The following WWOX variants were observed in gnomAD, a reference collection of about 807,000 sequenced individuals.
WWOX encodes the protein WW domain-containing oxidoreductase.
WWOX carries 69 observed loss-of-function variants against 46.2 expected under a neutral mutation model. The ratio of observed to expected loss-of-function variants is 1.49; its 90% CI spans 1.23 to 1.82. The LOEUF (loss-of-function observed/expected upper bound fraction) is 1.82, where lower values mean the gene tolerates loss of function less well. WWOX is among the 40% of genes most tolerant of loss of function. The probability of loss-of-function intolerance (pLI) is 0.00; values close to 1 mark genes in which losing one functional copy is unlikely to be tolerated. For synonymous variants in WWOX, 359 were observed against 202.6 expected (o/e 1.77, Z -6.56); for missense variants, 919 against 542.6 (o/e 1.69, Z -6.89).
At chr16:78,188,487 CAAAAAAAAA>C (rs11325655) in intron 5 of WWOX, among the ~76,000 whole-genome samples, 1 of 104,158 alleles carries the variant, frequency 9.6e-6, no homozygotes, top group East Asian at 2.9e-4. Flanking sequence ...GACTCTGTCT[CAAAAAAAAA>C]AAAAAAAAAT....
chr16:79,048,028 T>C (rs1224438326), intron 8 of WWOX, among the ~76,000 whole-genome samples: 1 of 152,130 alleles, frequency 6.6e-6, no homozygotes, highest in Non-Finnish European at 1.5e-5. Flanking sequence ...GGCTATAGAC[T>C]GGCATCCCTC....
At chr16:78,824,663 C>A (rs7193003) in intron 8 of WWOX, among the ~76,000 whole-genome samples, 128,510 of 152,136 alleles carry the variant, frequency 0.84, 54,750 homozygotes, top group African/African-American at 0.95. Flanking sequence ...GGAAGAAGCG[C>A]ACGTGAGAAC....
chr16:78,682,797 C>G (rs565834864), intron 8 of WWOX, among the ~76,000 whole-genome samples: 1 of 152,200 alleles, frequency 6.6e-6, no homozygotes, highest in African/African-American at 2.4e-5. Context: ...TTGCACCATT[C>G]ATTTGTCCAC....
intron 8 of WWOX, among the ~76,000 whole-genome samples, chr16:78,452,433 C>G (rs1326766381): frequency 6.6e-6 from 1 of 150,804 alleles, no homozygotes; most frequent in East Asian, 2.0e-4. Flanking sequence ...CATGTAATCA[C>G]AGTTCATCAA....
intron 8 of WWOX, among the ~76,000 whole-genome samples, chr16:79,103,466 G>C (rs935752327): frequency 2.0e-4 from 31 of 152,090 alleles, no homozygotes; most frequent in Non-Finnish European, 8.8e-5. Context: ...CTTGGATTTT[G>C]TGCCTCTTCC....
intron 8 of WWOX, among the ~76,000 whole-genome samples, chr16:78,724,470 A>G (rs1268098032): frequency 6.6e-6 from 1 of 152,160 alleles, no homozygotes; most frequent in African/African-American, 2.4e-5. Flanking sequence ...AGCACATTGC[A>G]TTATCATTAT....
intron 8 of WWOX, among the ~76,000 whole-genome samples, chr16:78,819,372 C>G (rs934213798): frequency 1.3e-5 from 2 of 152,162 alleles, no homozygotes; most frequent in Admixed American, 1.3e-4. Context: ...TGAGCTGTGT[C>G]CGCCAGTGTG....
In WWOX at chr16:78,567,552, C is replaced by CAAAAA. The variant is rs71272440; in HGVS notation, c.1056+134819_1056+134823dup. 1.3e-3 allele frequency among the ~76,000 whole-genome samples: 67 copies of CAAAAA among 51,986 alleles called. 1 individual carries two copies. The highest frequency in any genetic ancestry group is 3.7e-3 in the African/African-American group (49 of 13,170). 34.1% of individuals were successfully genotyped at this position (51,986 alleles called of 152,430 possible). A position where few individuals can be genotyped will look rare whatever the true frequency, so the allele number is the denominator to read the frequency against. On this transcript the variant is annotated intron_variant, in intron 8 of 8. Coordinates refer to ENST00000566780, the MANE Select transcript of WWOX (RefSeq NM_016373.4). ...TGGGCGACAGAAGGAGACTCCGTCT[C>CAAAAA]AAAAAAAAAAAAAAAAAAAAAAAGA...
chr16:78,167,824 T>A (rs983583127), intron 5 of WWOX: 1 of 152,172 alleles, frequency 6.6e-6, no homozygotes, highest in African/African-American at 2.4e-5. Flanking sequence ...ATCCCCCAAC[T>A]CCTTGACCCT....
At chr16:78,648,748 A>G (rs1394996192) in intron 8 of WWOX, among the ~76,000 whole-genome samples, 1 of 152,084 alleles carries the variant, frequency 6.6e-6, no homozygotes, top group African/African-American at 2.4e-5. Context: ...TTTTTGTTTA[A>G]CCATAAAGCT....
At chr16:78,634,932 G>A (rs574392050) in intron 8 of WWOX, among the ~76,000 whole-genome samples, 1 of 151,956 alleles carries the variant, frequency 6.6e-6, no homozygotes, top group Non-Finnish European at 1.5e-5. Context: ...CTGACTTTGT[G>A]AACGAGGAGG....
intron 8 of WWOX, among the ~76,000 whole-genome samples, chr16:79,108,220 G>A (rs1031721295): frequency 2.0e-5 from 3 of 152,188 alleles, no homozygotes; most frequent in African/African-American, 7.2e-5. Context: ...TCATAATTCT[G>A]GCTTTGACTA....
chr16:78,487,972 A>T (rs1045104437), intron 8 of WWOX, among the ~76,000 whole-genome samples: 2 of 152,134 alleles, frequency 1.3e-5, no homozygotes, highest in African/African-American at 4.8e-5. Flanking sequence ...CACCTTCCCC[A>T]AGCTTCGAAA....
intron 8 of WWOX, among the ~76,000 whole-genome samples, chr16:78,928,348 G>A (rs1312763083): frequency 2.0e-5 from 3 of 151,456 alleles, no homozygotes; most frequent in East Asian, 1.9e-4. Flanking sequence ...GACTACAGGC[G>A]CCCGCTACCA....
chr16:78,415,796 C>T (rs1308137110), intron 6 of WWOX, among the ~76,000 whole-genome samples: 1 of 152,150 alleles, frequency 6.6e-6, no homozygotes. Flanking sequence ...GGCCCATTGT[C>T]ACTCTCATTG....
chr16:78,157,173 G>A (rs1040476222), intron 4 of WWOX, among the ~76,000 whole-genome samples: 2 of 151,872 alleles, frequency 1.3e-5, no homozygotes, highest in African/African-American at 4.8e-5. Flanking sequence ...CCACCATTCC[G>A]TCCAAGATCT....
intron 8 of WWOX, among the ~76,000 whole-genome samples, chr16:79,079,782 C>G (rs1008865117): frequency 6.6e-6 from 1 of 152,196 alleles, no homozygotes; most frequent in Non-Finnish European, 1.5e-5. Context: ...ACAACAAATT[C>G]TGCAAGCATG....
At chr16:78,462,928 T>A (rs2083986768) in intron 8 of WWOX, among the ~76,000 whole-genome samples, 1 of 152,214 alleles carries the variant, frequency 6.6e-6, no homozygotes, top group South Asian at 2.1e-4. Context: ...TAGGACATAC[T>A]ACAGTAACCT....
At chr16:78,735,366 A>G (rs1278644578) in intron 8 of WWOX, among the ~76,000 whole-genome samples, 3 of 150,780 alleles carry the variant, frequency 2.0e-5, no homozygotes, top group African/African-American at 7.4e-5. Context: ...ATCAGAACCA[A>G]TAAGAGATGT....
Sources: allele counts gnomAD v4.1 joint callset (sites outside exome capture counted in the v4.1 genomes callset), GRCh38; gene constraint gnomAD v4.1.1; transcripts MANE v1.5; gene names NCBI Gene and HGNC (gene_info 2026-07-23, HGNC 2026-07-21).